Variants in SAP130 observed in about 807,000 individuals in gnomAD.
The protein encoded by SAP130 is Sin3A associated protein 130, also known as histone deacetylase complex subunit SAP130.
Under a neutral mutation model 103.2 loss-of-function variants are expected in SAP130, and 16 were observed. That is an observed-to-expected ratio of 0.16 (90% CI 0.10 to 0.24). The LOEUF (loss-of-function observed/expected upper bound fraction) is 0.24, where lower values mean the gene tolerates loss of function less well. SAP130 is among the 10% of genes least tolerant of loss of function. The pLI, the probability that SAP130 is intolerant of heterozygous loss-of-function variation, is 1.00. For missense variants in SAP130, 990 were observed against 1,359.7 expected (o/e 0.73, Z 4.28); for synonymous variants, 477 against 497.0 (o/e 0.96, Z 0.53).
intron 2 of SAP130, among the ~76,000 whole-genome samples, chr2:128,024,651 TG>T (rs1685378147): frequency 6.6e-6 from 1 of 150,604 alleles, no homozygotes; most frequent in African/African-American, 2.5e-5. Context: ...ACTTGAAGTC[TG>T]GAGTCCGGAG....
chr2:128,016,271 C>T, intron 4 of SAP130, 118 bp downstream of exon 4: 1 of 1,021,502 alleles, frequency 9.8e-7, no homozygotes, highest in Admixed American at 2.3e-5. Flanking sequence ...TTGCAGGTAT[C>T]AGTGACTGTT....
At chr2:127,960,366 G>A (rs975650170) in intron 15 of SAP130, among the ~76,000 whole-genome samples, 46 of 152,092 alleles carry the variant, frequency 3.0e-4, no homozygotes, top group Admixed American at 1.5e-3. Context: ...TACAGACTGC[G>A]GCAGGCAGAA....
At chr2:127,963,231 T>A (rs568364000) in intron 15 of SAP130, among the ~76,000 whole-genome samples, 1 of 152,094 alleles carries the variant, frequency 6.6e-6, no homozygotes. Flanking sequence ...TGAGTCAAAT[T>A]TCTCTCTCTC....
chr2:127,983,770 T>G (rs1218681414), intron 14 of SAP130, among the ~76,000 whole-genome samples: 1 of 151,930 alleles, frequency 6.6e-6, no homozygotes, highest in Non-Finnish European at 1.5e-5. Flanking sequence ...AGGGCATTTC[T>G]GTAACCAGGA....
At chr2:128,023,926 T>C (rs1307497107) in intron 2 of SAP130, among the ~76,000 whole-genome samples, 4 of 151,932 alleles carry the variant, frequency 2.6e-5, no homozygotes, top group South Asian at 2.1e-4. Context: ...AGAATAATAA[T>C]ATTCTCTAGA....
In SAP130 at chr2:128,016,461, C is replaced by T. The variant is rs1684785406; in HGVS notation, c.435G>A (p.Gln145=). 6.2e-7 allele frequency: 1 copy of T among 1,614,046 alleles called. No homozygotes were observed. Among genetic ancestry groups the T allele is most frequent in the Non-Finnish European group, 8.5e-7 (1 of 1,180,000 alleles). The change falls in exon 4 of 21, where the codon CAG becomes CAA. Residue 145 remains glutamine, a synonymous_variant. Coordinates refer to ENST00000643581, the MANE Select transcript of SAP130 (RefSeq NM_001330301.2). ...TLSLPPKVPG[Q]VTVTMESSIP... is the part of the protein sequence containing the mutation. The stretch of plus-strand genomic sequence containing the variant: ...TGCTACTCTCCATGGTAACGGTAAC[C>T]TGCCCTGGAACCTTGGGGGGAAGTG...
chr2:127,950,002 A>T lies in SAP130; in HGVS notation c.2672-8T>A, dbSNP rs1475024917. 2 of 1,613,454 alleles carry T rather than the reference A, an allele frequency of 1.2e-6. No individual in the cohort carries two copies. Among genetic ancestry groups the T allele is most frequent in the Non-Finnish European group, 1.7e-6 (2 of 1,179,490 alleles). ...ATCTCACACCTTCCTCATCTGTTAA[A>T]GAGAAGACATTAAACAACTTAGTAA... On this transcript the variant is annotated splice_polypyrimidine_tract_variant and splice_region_variant and intron_variant, in intron 17 of 20. Coordinates refer to ENST00000643581, the MANE Select transcript of SAP130 (RefSeq NM_001330301.2).
intron 5 of SAP130, among the ~76,000 whole-genome samples, chr2:128,013,750 C>T (rs1055138977): frequency 6.6e-6 from 1 of 152,116 alleles, no homozygotes; most frequent in Non-Finnish European, 1.5e-5. Flanking sequence ...ACCTCACAAC[C>T]TATTAGAACT....
At chr2:127,966,842 A>G (rs973535212) in intron 15 of SAP130, among the ~76,000 whole-genome samples, 11 of 152,214 alleles carry the variant, frequency 7.2e-5, no homozygotes, top group African/African-American at 1.2e-4. Context: ...CTCAGATGAC[A>G]TTATCTTTTT....
At position 127,955,115 on chromosome 2, in the gene SAP130, T is replaced by C; in HGVS notation, c.2293A>G (p.Thr765Ala). 6.2e-7 allele frequency: 1 copy of C among 1,613,820 alleles called. No individual in the cohort carries two copies. The highest frequency in any genetic ancestry group is 8.5e-7 in the Non-Finnish European group (1 of 1,179,942). ...GAVPITPPITTIAAAPPPSVT... is the reference protein window; with the variant it reads ...GAVPITPPITAIAAAPPPSVT... ...GATGGAGGTGGTGCAGCTGCAATGG[T>C]GGTGATGGGTGGAGTGATGGGGACC... Residue 765 changes from threonine (T) to alanine (A), a missense_variant, in exon 16 of 21, where the codon ACC becomes GCC. Thr to Ala is a moderately conservative substitution (Grantham distance 58). Coordinates refer to ENST00000643581, the MANE Select transcript of SAP130 (RefSeq NM_001330301.2). This position sits in a 1 kb window ranked among gnomAD's most constrained non-coding sequence, Gnocchi z 4.9.
intron 6 of SAP130, 100 bp downstream of exon 6, chr2:128,012,930 G>A (rs1684506275): frequency 8.4e-7 from 1 of 1,190,916 alleles, no homozygotes; most frequent in African/African-American, 1.6e-5. Context: ...CTATGTCTTG[G>A]CAACTAGATG....
chr2:127,979,343 A>G (rs1028771312), intron 14 of SAP130, among the ~76,000 whole-genome samples: 7 of 152,202 alleles, frequency 4.6e-5, no homozygotes, highest in Admixed American at 3.9e-4. Flanking sequence ...GAACTATAAG[A>G]TAATACATGT....
At chr2:127,946,609 G>A (rs981619781) in intron 18 of SAP130, among the ~76,000 whole-genome samples, 2 of 151,900 alleles carry the variant, frequency 1.3e-5, no homozygotes, top group Non-Finnish European at 2.9e-5. Flanking sequence ...TAGTCTGACC[G>A]CAGTGGCTCA....
chr2:128,022,865 C>T (rs547919050), intron 2 of SAP130, among the ~76,000 whole-genome samples: 2 of 152,066 alleles, frequency 1.3e-5, no homozygotes, highest in South Asian at 2.1e-4. Flanking sequence ...GATCTCACTC[C>T]GTCACCCAGG....
chr2:127,998,177 A>G (rs1037342517), intron 10 of SAP130, among the ~76,000 whole-genome samples: 3 of 152,182 alleles, frequency 2.0e-5, no homozygotes, highest in African/African-American at 7.2e-5. Context: ...TATATAGCAC[A>G]GAAAACATTA....
intron 14 of SAP130, among the ~76,000 whole-genome samples, chr2:127,983,491 T>C (rs1682110826): frequency 1.3e-5 from 2 of 151,934 alleles, no homozygotes; most frequent in South Asian, 4.1e-4. Context: ...TGAGTGACAG[T>C]AGGGATGTGG....
At chr2:128,019,155 T>A (rs932473104) in intron 2 of SAP130, among the ~76,000 whole-genome samples, 1 of 152,040 alleles carries the variant, frequency 6.6e-6, no homozygotes, top group Non-Finnish European at 1.5e-5. Context: ...TAAGAACATA[T>A]AATTTTTCAA....
Position 127,955,942 on chromosome 2 carries a change from G to A in SAP130, c.2064-598C>T, listed in dbSNP as rs1014265617. 9.9e-5 allele frequency among the ~76,000 whole-genome samples: 15 copies of A among 152,054 alleles called. No homozygotes were observed. Among genetic ancestry groups the A allele is most frequent in the Admixed American group, 3.9e-4 (6 of 15,266 alleles). On this transcript the variant is annotated intron_variant, in intron 15 of 20. Coordinates refer to ENST00000643581, the MANE Select transcript of SAP130 (RefSeq NM_001330301.2). This position sits in a 1 kb window ranked among gnomAD's most constrained non-coding sequence, Gnocchi z 4.9. The stretch of plus-strand genomic sequence containing the variant: ...ACTTTAAAGAACTCAAAGTCATATC[G>A]TCATAGCACAACCAATTTTCATAAT...
chr2:127,952,450 TAAA>T lies in SAP130; in HGVS notation c.2423-2045_2423-2043del, dbSNP rs57007168. On this transcript the variant is annotated intron_variant, in intron 16 of 20. Coordinates refer to ENST00000643581, the MANE Select transcript of SAP130 (RefSeq NM_001330301.2). The stretch of plus-strand genomic sequence containing the variant: ...TGGGCAAAAGAGCACAACTCCATCT[TAAA>T]AAAAAAAAAAAAAAAAATCTTCTTG... Among the ~76,000 whole-genome samples the T allele has an allele frequency of 8.2e-3, 1,150 of 140,436 alleles. 3 individuals are homozygous for T. The highest frequency in any genetic ancestry group is 9.8e-3 in the Non-Finnish European group (640 of 65,492). 92.1% of individuals were successfully genotyped at this position (140,436 alleles called of 152,430 possible). A position where few individuals can be genotyped will look rare whatever the true frequency, so the allele number is the denominator to read the frequency against.
Sources: allele counts gnomAD v4.1 joint callset (sites outside exome capture counted in the v4.1 genomes callset), GRCh38; gene constraint gnomAD v4.1.1; non-coding constraint Gnocchi (gnomAD v3.1); transcripts MANE v1.5; gene names NCBI Gene and HGNC (gene_info 2026-07-23, HGNC 2026-07-21).